The following MTHFD1L variants were observed in gnomAD, a reference collection of about 807,000 sequenced individuals.
MTHFD1L encodes methylenetetrahydrofolate dehydrogenase (NADP+ dependent) 1 like.
Under a neutral mutation model 119.5 loss-of-function variants are expected in MTHFD1L, and 81 were observed. That is an observed-to-expected ratio of 0.68 (90% CI 0.57 to 0.82). The LOEUF is 0.82. Among genes scored for constraint, MTHFD1L ranks in the 40% least tolerant of loss-of-function variants. The pLI, the probability that MTHFD1L is intolerant of heterozygous loss-of-function variation, is 0.00. For missense variants in MTHFD1L, 1,125 were observed against 1,253.4 expected (o/e 0.90, Z 1.55); for synonymous variants, 430 against 475.2 (o/e 0.90, Z 1.24).
At chr6:150,882,923 T>C in intron 5 of MTHFD1L, 37 bp downstream of exon 5, 2 of 1,528,962 alleles carry the variant, frequency 1.3e-6, no homozygotes, top group Non-Finnish European at 1.7e-6. Flanking sequence ...CCTTTATGGC[T>C]AAATCACTTT....
Position 150,953,987 on chromosome 6 carries a change from G to A in MTHFD1L, c.1727-2008G>A, listed in dbSNP as rs571435446. Among the ~76,000 whole-genome samples the A allele has an allele frequency of 6.6e-5, 10 of 152,274 alleles. 1 individual carries two copies. The highest frequency in any genetic ancestry group is 2.4e-4 in the African/African-American group (10 of 41,550). On this transcript the variant is annotated intron_variant, in intron 16 of 27. Transcript: ENST00000367321. Reference sequence around the variant, plus strand: ...AAAAACTCATAAAGAAGGTTTCTGTGTGTTTATATGAGTGTCAGTTGGTGT... The same window carrying A: ...AAAAACTCATAAAGAAGGTTTCTGTATGTTTATATGAGTGTCAGTTGGTGT...
chr6:151,028,477 A>T (rs1253865800), intron 24 of MTHFD1L, among the ~76,000 whole-genome samples: 2 of 152,122 alleles, frequency 1.3e-5, no homozygotes, highest in African/African-American at 4.8e-5. Context: ...ATGGAACATT[A>T]TTCAGCCTTG....
intron 20 of MTHFD1L, among the ~76,000 whole-genome samples, chr6:150,981,202 G>A (rs918722043): frequency 1.3e-5 from 2 of 152,166 alleles, no homozygotes; most frequent in Admixed American, 6.5e-5. Flanking sequence ...GTTGACACCC[G>A]CACCTCATTT....
chr6:150,969,420 G>T (rs184714322), intron 19 of MTHFD1L, among the ~76,000 whole-genome samples: 4 of 151,870 alleles, frequency 2.6e-5, no homozygotes, highest in Non-Finnish European at 1.5e-5. Context: ...AGCTTGAACC[G>T]GGGAGGTGGA....
At position 150,939,232 on chromosome 6, in the gene MTHFD1L, C is replaced by T. The variant is rs895116323; in HGVS notation, c.1440+487C>T. 65 of 159,314 alleles carry T rather than the reference C, an allele frequency of 4.1e-4. 1 individual carries two copies. Among genetic ancestry groups the T allele is most frequent in the African/African-American group, 1.4e-3 (59 of 41,766 alleles). 9.9% of individuals were successfully genotyped at this position (159,314 alleles called of 1,614,324 possible). Reference sequence around the variant, plus strand: ...TCAATTCAGGCTCTAGTGCGTGCCTCGGCAGCATAGATACTAAAACTGGAA... The same window carrying T: ...TCAATTCAGGCTCTAGTGCGTGCCTTGGCAGCATAGATACTAAAACTGGAA... On this transcript the variant is annotated intron_variant, in intron 13 of 27. Coordinates refer to ENST00000367321, the MANE Select transcript of MTHFD1L (RefSeq NM_015440.5).
At chr6:150,898,562 T>C (rs943728432) in intron 7 of MTHFD1L, among the ~76,000 whole-genome samples, 8 of 152,334 alleles carry the variant, frequency 5.3e-5, no homozygotes, top group Admixed American at 1.3e-4. Context: ...ATGAAGACGC[T>C]GTATGGATGA....
rs370374961 is a variant in MTHFD1L, at chr6:150,926,177, G to A, written c.1138G>A (p.Glu380Lys). ...AAAAGCTGTGGATGTCCTTGCCAAG[G>A]AGATTGGATTGCTTGCAGATGAAAT... ...TPKAVDVLAK[E>K]IGLLADEIEI... Residue 380 changes from glutamate (E) to lysine (K), a missense_variant, in exon 11 of 28, where the codon GAG becomes AAG. By Grantham distance (56) the Glu-to-Lys change is moderately conservative. Around this residue, in one of 3 missense-constraint regions of MTHFD1L, gnomAD observed 1,058 missense variants for 1,151.2 expected, o/e 0.92. Transcript: ENST00000367321. This position sits in a 1 kb window ranked among gnomAD's most constrained non-coding sequence, Gnocchi z 4.3. 33 of 1,613,954 alleles carry A rather than the reference G, an allele frequency of 2.0e-5. No homozygotes were observed. The highest frequency in any genetic ancestry group is 2.6e-5 in the Non-Finnish European group (31 of 1,179,982).
intron 20 of MTHFD1L, among the ~76,000 whole-genome samples, chr6:150,991,433 A>T (rs942297725): frequency 3.9e-5 from 6 of 152,240 alleles, no homozygotes; most frequent in Non-Finnish European, 8.8e-5. Context: ...GAATGAAGAG[A>T]TATAGAAGTA....
At chr6:151,027,889 A>T (rs1380508388) in intron 24 of MTHFD1L, among the ~76,000 whole-genome samples, 1 of 152,176 alleles carries the variant, frequency 6.6e-6, no homozygotes, top group African/African-American at 2.4e-5. Context: ...GAAGCACTTT[A>T]TTCAGCATGT....
intron 1 of MTHFD1L, among the ~76,000 whole-genome samples, chr6:150,867,317 G>C (rs547057113): frequency 6.6e-6 from 1 of 152,148 alleles, no homozygotes; most frequent in African/African-American, 2.4e-5. Context: ...TTAGCCTCCA[G>C]TGTAACTGGG....
At chr6:150,914,636 C>T (rs1172186564) in intron 8 of MTHFD1L, among the ~76,000 whole-genome samples, 1 of 152,206 alleles carries the variant, frequency 6.6e-6, no homozygotes, top group African/African-American at 2.4e-5. Flanking sequence ...CCAGCCTGGG[C>T]AACAGAGCAA....
At chr6:151,055,180 C>A (rs573154274) in intron 26 of MTHFD1L, among the ~76,000 whole-genome samples, 9 of 152,136 alleles carry the variant, frequency 5.9e-5, no homozygotes, top group East Asian at 1.9e-4. Context: ...GCAGAAGAAT[C>A]GCTTAAACCC....
intron 20 of MTHFD1L, among the ~76,000 whole-genome samples, chr6:150,994,773 C>T (rs1443539391): frequency 5.9e-5 from 9 of 152,030 alleles, no homozygotes; most frequent in Admixed American, 2.0e-4. Context: ...TGGAGAAAAG[C>T]TTCATATTAG....
chr6:151,021,335 G>A (rs898665158), intron 24 of MTHFD1L, among the ~76,000 whole-genome samples: 1 of 152,066 alleles, frequency 6.6e-6, no homozygotes. Context: ...ATCACCTGAG[G>A]CCAGGAGTTC....
At chr6:150,910,450 CT>C (rs1447319676) in intron 8 of MTHFD1L, among the ~76,000 whole-genome samples, 2 of 151,062 alleles carry the variant, frequency 1.3e-5, no homozygotes, top group Non-Finnish European at 2.9e-5. Context: ...GTAATCCCAG[CT>C]ACTCAGGAGG....
chr6:150,983,379 G>T (rs920975564), intron 20 of MTHFD1L, among the ~76,000 whole-genome samples: 3 of 152,116 alleles, frequency 2.0e-5, no homozygotes, highest in Non-Finnish European at 4.4e-5. Context: ...TTGTGTAATG[G>T]TGTCTTTTTT....
intron 26 of MTHFD1L, among the ~76,000 whole-genome samples, chr6:151,042,695 T>C (rs1787310211): frequency 6.6e-6 from 1 of 152,194 alleles, no homozygotes; most frequent in African/African-American, 2.4e-5. Flanking sequence ...AATACTAATA[T>C]GTAAGCAAAG....
intron 27 of MTHFD1L, among the ~76,000 whole-genome samples, chr6:151,096,166 T>C (rs1252311139): frequency 2.0e-5 from 3 of 152,206 alleles, no homozygotes; most frequent in Admixed American, 6.5e-5. Flanking sequence ...GATAATGAGG[T>C]AATTTTTTCT....
intron 27 of MTHFD1L, among the ~76,000 whole-genome samples, chr6:151,100,371 C>T (rs1451591399): frequency 6.6e-6 from 1 of 152,088 alleles, no homozygotes; most frequent in Admixed American, 6.6e-5. Context: ...ATTCCCCTGA[C>T]TTGAACCAGA....
Sources: gnomAD v4.1 joint callset for allele counts (sites outside exome capture counted in the v4.1 genomes callset) on GRCh38, gnomAD v4.1.1 for gene constraint, gnomAD v4.1.1 regional missense constraint, Gnocchi (gnomAD v3.1) non-coding constraint, MANE v1.5 for transcripts, NCBI Gene and HGNC (gene_info 2026-07-23, HGNC 2026-07-21) for gene names.